The following INO80 variants were observed in gnomAD, a reference collection of about 807,000 sequenced individuals.
INO80 encodes INO80 complex ATPase subunit, also known as chromatin-remodeling ATPase INO80.
INO80 carries 20 observed loss-of-function variants against 203.4 expected under a neutral mutation model. The ratio of observed to expected loss-of-function variants is 0.10; its 90% confidence interval spans 0.07 to 0.14. INO80 has a LOEUF of 0.14. INO80 is among the 10% of genes least tolerant of loss of function. The pLI, the probability that INO80 is intolerant of heterozygous loss-of-function variation, is 1.00. For missense variants in INO80, 1,419 were observed against 1,914.4 expected, an observed-to-expected ratio of 0.74 and a Z score of 4.83; for synonymous variants, 726 against 685.2, an observed-to-expected ratio of 1.06 and a Z score of -0.93.
At position 41,104,203 on chromosome 15, in the gene INO80, T is replaced by A. The variant is rs1215029105; in HGVS notation, c.-43-7850A>T. On this transcript the variant is annotated intron_variant, in intron 1 of 35. Transcript: ENST00000648947. ...CCTGGGCAATGAGAGCAAAACTCCA[T>A]CTCAAAAAAAAAAAAAAAAAAAAAA... 4.5e-4 allele frequency among the ~76,000 whole-genome samples: 29 copies of A among 65,094 alleles called. 1 individual carries two copies. The highest frequency in any genetic ancestry group is 1.6e-3 in the African/African-American group (24 of 14,746). 42.7% of individuals were successfully genotyped at this position (65,094 alleles called of 152,430 possible). A position where few individuals can be genotyped will look rare whatever the true frequency, so the allele number is the denominator to read the frequency against.
rs946676337 is a variant in INO80 at position 41,079,866 on chromosome 15, G to C, written c.966C>G (p.Ala322=). Residue 322 remains alanine, a synonymous_variant, in exon 9 of 36, where the codon GCC becomes GCG. Coordinates refer to ENST00000648947, the MANE Select transcript of INO80 (RefSeq NM_017553.3). ...CCTTACAGTTCTTCTGGGCCTGCAA[G>C]GCAGCTCGACGCACCTCCTTCATGC... The part of the protein sequence containing the change: ...HQCMKEVRRA[A]LQAQKNCKET... 1.2e-6 allele frequency: 2 copies of C among 1,614,150 alleles called. No homozygotes were observed. Among genetic ancestry groups the C allele is most frequent in the East Asian group, 2.2e-5 (1 of 44,886 alleles).
chr15:41,059,798 TCCA>T (rs2045069983), intron 15 of INO80, 66 bp downstream of exon 15: 3 of 1,001,364 alleles, frequency 3.0e-6, no homozygotes, highest in East Asian at 5.1e-5. Context: ...AAAGAAATTA[TCCA>T]CATCAATTAG....
chr15:41,021,929 T>G (rs3101438), intron 25 of INO80, among the ~76,000 whole-genome samples: 134,294 of 152,260 alleles, frequency 0.88, 61,315 homozygotes, highest in East Asian at 1. Flanking sequence ...TAGGCAGTAT[T>G]CAGATACCTG....
intron 31 of INO80, 109 bp from the exon 32 acceptor site, chr15:40,985,535 TTCTA>T (rs1168395215): frequency 6.4e-5 from 53 of 832,674 alleles, no homozygotes; most frequent in Non-Finnish European, 8.4e-5. Context: ...CAAGTATCAC[TTCTA>T]TCTGTTTAAG....
chr15:41,032,500 C>T (rs1356863257), intron 24 of INO80, among the ~76,000 whole-genome samples: 1 of 152,150 alleles, frequency 6.6e-6, no homozygotes. Flanking sequence ...GATACAGGTA[C>T]TGTAGCTGAA....
In INO80 at chr15:40,983,776, G is replaced by A. The variant is rs760108509; in HGVS notation, c.4223C>T (p.Ser1408Leu). 5.6e-6 allele frequency: 9 copies of A among 1,612,272 alleles called. No homozygotes were observed. The East Asian group carries it at 1.3e-4, about 24-fold the overall frequency. ...NSPASITGSV[S>L]DTVNGISIQE... is the part of the protein sequence containing the mutation. ...GCAGCAATTACCATTCACGGTATCT[G>A]AGACGGAGCCTGTTATGGATGCGGG... Residue 1408 changes from serine (S) to leucine (L), a missense_variant, in exon 34 of 36, where the codon TCA becomes TTA. By Grantham distance (145) the Ser-to-Leu change is moderately radical. Transcript: ENST00000648947.
intron 4 of INO80, among the ~76,000 whole-genome samples, chr15:41,092,414 G>C (rs965777774): frequency 6.6e-6 from 1 of 152,054 alleles, no homozygotes; most frequent in East Asian, 1.9e-4. Context: ...TCAGCAACAA[G>C]GCTAAAAATT....
intron 14 of INO80, among the ~76,000 whole-genome samples, chr15:41,064,671 A>G (rs772461161): frequency 6.6e-6 from 1 of 152,204 alleles, no homozygotes; most frequent in Non-Finnish European, 1.5e-5. Flanking sequence ...CTGAAAATCA[A>G]TACTCTAAGC....
chr15:41,096,060 G>C, intron 2 of INO80, 108 bp downstream of exon 2: 17 of 1,419,072 alleles, frequency 1.2e-5, no homozygotes, highest in Non-Finnish European at 1.6e-5. Flanking sequence ...AGAGGCAAAA[G>C]AAAATATCAA....
chr15:41,047,545 G>A, intron 22 of INO80, 44 bp from the exon 23 acceptor site: 1 of 1,343,232 alleles, frequency 7.4e-7, no homozygotes, highest in Non-Finnish European at 1.1e-6. Context: ...CAAACCAAGA[G>A]ACGATGCTCA....
intron 28 of INO80, among the ~76,000 whole-genome samples, chr15:41,002,928 C>A (rs113937696): frequency 2.6e-4 from 39 of 152,174 alleles, no homozygotes; most frequent in African/African-American, 9.2e-4. Flanking sequence ...CATAGTGAAA[C>A]CTTGTCTCTA....
At chr15:41,036,849 AG>A (rs1206937698) in intron 24 of INO80, among the ~76,000 whole-genome samples, 2 of 152,218 alleles carry the variant, frequency 1.3e-5, no homozygotes, top group Non-Finnish European at 1.5e-5. Flanking sequence ...TGGGAGGCCG[AG>A]GCAGGCCAGT....
At chr15:41,097,662 TG>T (rs972312065) in intron 1 of INO80, among the ~76,000 whole-genome samples, 8 of 149,466 alleles carry the variant, frequency 5.4e-5, no homozygotes. Context: ...TTAGTAGAGA[TG>T]GGGTTTCACC....
In INO80 at chr15:41,064,998, C is replaced by CA. The variant is rs1327963541; in HGVS notation, c.1782+4571dup. ...TGGGAAACAGAGCGAGACACTGTCT[C>CA]AAAAAAAAGGTAGAAAAAGAGTGCA... On this transcript the variant is annotated intron_variant, in intron 14 of 35. Transcript: ENST00000648947. Among the ~76,000 whole-genome samples, 9 of 150,940 alleles carry CA rather than the reference C, an allele frequency of 6.0e-5. No individual in the cohort carries two copies. In the South Asian group the frequency reaches 8.4e-4, roughly 14 times the overall value.
intron 1 of INO80, among the ~76,000 whole-genome samples, chr15:41,114,323 C>A (rs1245304549): frequency 6.6e-6 from 1 of 151,488 alleles, no homozygotes; most frequent in African/African-American, 2.4e-5. Flanking sequence ...GCAACTTTTA[C>A]CACACATAAT....
In INO80 at chr15:41,085,496, T is replaced by C; in HGVS notation, c.746A>G (p.Lys249Arg). The change falls in exon 7 of 36, where the codon AAA becomes AGA. Residue 249 changes from lysine to arginine, a missense_variant. Lys to Arg is a conservative substitution (Grantham distance 26). Coordinates refer to ENST00000648947, the MANE Select transcript of INO80 (RefSeq NM_017553.3). The stretch of plus-strand genomic sequence containing the variant: ...ATCGTGAGAAAACTTGGCAAAGACT[T>C]TGGTCTGGTGGTGATGGCGACGAGG... The part of the protein sequence containing the change: ...ESPRRHHHQT[K>R]VFAKFSHDAP... 3 of 1,614,150 alleles carry C rather than the reference T, an allele frequency of 1.9e-6. No individual in the cohort carries two copies. The highest frequency in any genetic ancestry group is 2.5e-6 in the Non-Finnish European group (3 of 1,180,026).
intron 7 of INO80, 90 bp downstream of exon 7, chr15:41,085,279 G>A (rs1163699506): frequency 9.1e-7 from 1 of 1,101,382 alleles, no homozygotes; most frequent in Non-Finnish European, 1.4e-6. Context: ...ATTCCTATCT[G>A]TGAAAGTATC....
At chr15:41,088,087 CTT>C (rs943111352) in intron 5 of INO80, among the ~76,000 whole-genome samples, 17 of 101,034 alleles carry the variant, frequency 1.7e-4, no homozygotes, top group African/African-American at 5.1e-4. Flanking sequence ...GCTTGCTTTT[CTT>C]TTTTTTTTTT....
chr15:41,071,703 C>T lies in INO80; in HGVS notation c.1605+146G>A, dbSNP rs1032787966. On this transcript the variant is annotated intron_variant, in intron 12 of 35. Coordinates refer to ENST00000648947, the MANE Select transcript of INO80 (RefSeq NM_017553.3). ...CTCGAACTCCCAACCTCAGGTGATC[C>T]GCCTGCCTTGGCCTCCCAAAGTGCT... is the stretch of plus-strand genomic sequence containing the variant. 115 of 622,014 alleles carry T rather than the reference C, an allele frequency of 1.8e-4. No individual in the cohort carries two copies. The East Asian group carries it at 3.2e-3, about 17-fold the overall frequency. 38.5% of individuals were successfully genotyped at this position (622,014 alleles called of 1,614,324 possible).
Sources: gnomAD v4.1 joint callset for allele counts (sites outside exome capture counted in the v4.1 genomes callset) on GRCh38, gnomAD v4.1.1 for gene constraint, MANE v1.5 for transcripts, NCBI Gene and HGNC (gene_info 2026-07-23, HGNC 2026-07-21) for gene names.